CTNNA2: variants seen among roughly 807,000 people sequenced by gnomAD.
The protein encoded by CTNNA2 is catenin alpha-2.
Under a neutral mutation model 101.0 loss-of-function variants are expected in CTNNA2, and 42 were observed. That is an observed-to-expected ratio of 0.42 (90% confidence interval 0.32 to 0.54). The LOEUF is 0.54. Ranked by LOEUF, CTNNA2 falls within the 20% of genes least tolerant of loss-of-function variation. The probability of loss-of-function intolerance (pLI) is 0.14; values close to 1 mark genes in which losing one functional copy is unlikely to be tolerated. For synonymous variants in CTNNA2, 450 were observed against 456.4 expected (o/e 0.99, Z 0.18); for missense variants, 871 against 1,223.1 (o/e 0.71, Z 4.29).
chr2:80,330,514 C>A (rs200878195), intron 7 of CTNNA2, among the ~76,000 whole-genome samples: 1 of 145,298 alleles, frequency 6.9e-6, no homozygotes, highest in Non-Finnish European at 1.5e-5. Flanking sequence ...TTTTTTTTTG[C>A]AATTGAAATT....
At chr2:80,550,486 A>C (rs1268990256) in intron 11 of CTNNA2, among the ~76,000 whole-genome samples, 1 of 152,230 alleles carries the variant, frequency 6.6e-6, no homozygotes, top group East Asian at 1.9e-4. Context: ...GTTTGACAGC[A>C]CTTTATCCAC....
chr2:79,744,656 A>G (rs1671513347), intron 3 of CTNNA2, 74 bp downstream of exon 3: 2 of 1,350,754 alleles, frequency 1.5e-6, no homozygotes, highest in South Asian at 1.5e-5. Flanking sequence ...TTTAGAATCA[A>G]TGGATATTTA....
At chr2:79,518,177 A>G (rs1256200179) in intron 1 of CTNNA2, among the ~76,000 whole-genome samples, 1 of 152,230 alleles carries the variant, frequency 6.6e-6, no homozygotes, top group African/African-American at 2.4e-5. Context: ...AATATAAATC[A>G]TATGTTGATT....
chr2:80,406,642 C>T (rs1483484063), intron 8 of CTNNA2, among the ~76,000 whole-genome samples: 3 of 151,810 alleles, frequency 2.0e-5, no homozygotes, highest in Non-Finnish European at 2.9e-5. Context: ...GTGGCTAACG[C>T]GGTGAAACCC....
chr2:79,786,516 G>A (rs892328479), intron 3 of CTNNA2, among the ~76,000 whole-genome samples: 1 of 151,572 alleles, frequency 6.6e-6, no homozygotes, highest in African/African-American at 2.4e-5. Flanking sequence ...GGATGTGTTG[G>A]GGGAATAGGC....
At chr2:79,782,435 T>C (rs1573956599) in intron 3 of CTNNA2, among the ~76,000 whole-genome samples, 1 of 151,984 alleles carries the variant, frequency 6.6e-6, no homozygotes, top group Non-Finnish European at 1.5e-5. Flanking sequence ...CAGGGTTTCA[T>C]CATGTTGGCC....
chr2:79,628,014 A>G (rs745782630), intron 1 of CTNNA2, among the ~76,000 whole-genome samples: 5 of 152,218 alleles, frequency 3.3e-5, no homozygotes, highest in Non-Finnish European at 5.9e-5. Context: ...TAGTGTACAC[A>G]TAAGTATAGA....
At chr2:80,493,635 G>A (rs1461293378) in intron 9 of CTNNA2, among the ~76,000 whole-genome samples, 2 of 152,166 alleles carry the variant, frequency 1.3e-5, no homozygotes, top group Non-Finnish European at 2.9e-5. Context: ...CTTGGACTAA[G>A]GAGGTCTGTT....
intron 4 of CTNNA2, among the ~76,000 whole-genome samples, chr2:79,459,864 G>A (rs17017164): frequency 0.039 from 5,910 of 151,922 alleles, 366 homozygotes; most frequent in African/African-American, 0.13. Flanking sequence ...CAACTCTTAC[G>A]TTGCAGCATC....
Position 80,014,410 on chromosome 2 carries a change from A to T in CTNNA2, c.1056+104613A>T, listed in dbSNP as rs539150209. 7.3e-5 allele frequency among the ~76,000 whole-genome samples: 11 copies of T among 150,286 alleles called. No homozygotes were observed. In the East Asian group the frequency reaches 1.8e-3, roughly 24 times the overall value. ...TGATCTCTTCTGTTTTTTTTTTTTT[A>T]AAGTTTTCCTAATCTTTTGAGACAT... is the stretch of plus-strand genomic sequence containing the variant. On this transcript the variant is annotated intron_variant, in intron 7 of 18. Transcript: ENST00000402739.
intron 4 of CTNNA2, among the ~76,000 whole-genome samples, chr2:79,862,393 ACAGCCTCATG>A (rs1681693045): frequency 6.6e-6 from 1 of 152,156 alleles, no homozygotes; most frequent in East Asian, 1.9e-4. Context: ...TTTGCATCAA[ACAGCCTCATG>A]CAGCCTCAGT....
intron 2 of CTNNA2, among the ~76,000 whole-genome samples, chr2:79,685,488 G>T (rs1683870978): frequency 6.6e-6 from 1 of 152,134 alleles, no homozygotes; most frequent in African/African-American, 2.4e-5. Flanking sequence ...GCCTAGTGGG[G>T]TAGTCACACC....
intron 2 of CTNNA2, among the ~76,000 whole-genome samples, chr2:79,687,333 T>C (rs572164058): frequency 6.6e-6 from 1 of 152,148 alleles, no homozygotes; most frequent in East Asian, 1.9e-4. Flanking sequence ...CACAGTAGCC[T>C]CCAATGCTTA....
rs561016950 is a variant in CTNNA2, at chr2:80,412,129, C to T, written c.1138-7320C>T. ...AGCCATCTGGAGATCCACAATGATC[C>T]CAGCACTCCCTGGGACCCTGAGGCA... On this transcript the variant is annotated intron_variant, in intron 8 of 18. Transcript: ENST00000402739. Among the ~76,000 whole-genome samples the T allele has an allele frequency of 2.6e-5, 4 of 152,266 alleles. No individual in the cohort carries two copies. The South Asian group carries it at 8.3e-4, about 32-fold the overall frequency.
At chr2:79,375,197 G>A (rs184224046) in intron 4 of CTNNA2, among the ~76,000 whole-genome samples, 228 of 152,154 alleles carry the variant, frequency 1.5e-3, no homozygotes, top group Non-Finnish European at 2.7e-3. Flanking sequence ...AAAACCATAC[G>A]CTTTACGGTC....
chr2:79,531,068 A>G (rs1162440786), intron 1 of CTNNA2, among the ~76,000 whole-genome samples: 2 of 151,820 alleles, frequency 1.3e-5, no homozygotes, highest in African/African-American at 4.8e-5. Flanking sequence ...GCTTTGCTTT[A>G]TATAATAGAT....
At chr2:80,016,142 A>G (rs1428365843) in intron 7 of CTNNA2, among the ~76,000 whole-genome samples, 1 of 152,226 alleles carries the variant, frequency 6.6e-6, no homozygotes, top group Non-Finnish European at 1.5e-5. Flanking sequence ...GTGACCAAGA[A>G]AATTTTCTGC....
chr2:79,479,922 CA>C (rs559228181), intron 4 of CTNNA2, among the ~76,000 whole-genome samples: 119 of 144,290 alleles, frequency 8.2e-4, no homozygotes, highest in Non-Finnish European at 1.5e-3. Context: ...GACTCCATCT[CA>C]AAAAAAAAAG....
intron 6 of CTNNA2, among the ~76,000 whole-genome samples, chr2:79,883,582 T>C (rs1381311445): frequency 6.6e-6 from 1 of 152,136 alleles, no homozygotes; most frequent in East Asian, 1.9e-4. Context: ...ATTCAAAAGA[T>C]TTAAGAAAAA....
Sources: gnomAD v4.1 joint callset for allele counts (sites outside exome capture counted in the v4.1 genomes callset) on GRCh38, gnomAD v4.1.1 for gene constraint, MANE v1.5 for transcripts, NCBI Gene and HGNC (gene_info 2026-07-23, HGNC 2026-07-21) for gene names.